NAV3: variants seen among roughly 807,000 people sequenced by gnomAD.
The protein encoded by NAV3 is neuron navigator 3, also known as pore membrane and/or filament interacting like protein 1.
Under a neutral mutation model 244.7 loss-of-function variants are expected in NAV3, and 87 were observed. The observed-to-expected ratio is 0.36, with a 90% CI of 0.30 to 0.42. The LOEUF (loss-of-function observed/expected upper bound fraction) is 0.42. Among genes scored for constraint, NAV3 ranks in the 20% least tolerant of loss-of-function variants. NAV3 has a pLI of 1.00. For missense variants in NAV3, 2,663 were observed against 2,893.3 expected, an observed-to-expected ratio of 0.92 and a Z score of 1.83; for synonymous variants, 1,126 against 1,042.2, an observed-to-expected ratio of 1.08 and a Z score of -1.55.
At chr12:77,982,788 A>G (rs1869809557) in intron 5 of NAV3, among the ~76,000 whole-genome samples, 1 of 152,174 alleles carries the variant, frequency 6.6e-6, no homozygotes, top group Non-Finnish European at 1.5e-5. Flanking sequence ...CAAACTGGTG[A>G]GAGACAGAAT....
intron 8 of NAV3, among the ~76,000 whole-genome samples, chr12:78,011,513 A>G (rs1172983825): frequency 1.3e-5 from 2 of 152,166 alleles, no homozygotes; most frequent in Non-Finnish European, 2.9e-5. Flanking sequence ...CCAAGAAGTT[A>G]AGATAAGGGT....
At chr12:77,954,321 G>A (rs907360085) in intron 3 of NAV3, among the ~76,000 whole-genome samples, 2 of 152,144 alleles carry the variant, frequency 1.3e-5, no homozygotes, top group African/African-American at 2.4e-5. Context: ...TCTGCCAGTT[G>A]TGTAGTAAGC....
At chr12:78,048,020 G>T (rs1362299161) in intron 9 of NAV3, among the ~76,000 whole-genome samples, 1 of 151,996 alleles carries the variant, frequency 6.6e-6, no homozygotes, top group Non-Finnish European at 1.5e-5. Context: ...ACTTATGTAT[G>T]CTTCACGAAG....
chr12:77,759,402 C>T (rs1323210036), intron 2 of NAV3, among the ~76,000 whole-genome samples: 1 of 152,218 alleles, frequency 6.6e-6, no homozygotes, highest in African/African-American at 2.4e-5. Flanking sequence ...GGTATTCAAT[C>T]TCAGGTCTTT....
chr12:77,699,105 A>G (rs897808058), intron 2 of NAV3, among the ~76,000 whole-genome samples: 4 of 152,144 alleles, frequency 2.6e-5, no homozygotes, highest in African/African-American at 7.2e-5. Context: ...TTTATTTGAT[A>G]TATTTCACTG....
At chr12:77,986,434 A>G (rs1392698086) in intron 5 of NAV3, among the ~76,000 whole-genome samples, 3 of 152,198 alleles carry the variant, frequency 2.0e-5, no homozygotes, top group African/African-American at 4.8e-5. Context: ...ATAAATAAGC[A>G]TAAGTTGAAA....
intron 11 of NAV3, among the ~76,000 whole-genome samples, chr12:78,055,445 C>G (rs1883350759): frequency 6.6e-6 from 1 of 152,100 alleles, no homozygotes; most frequent in African/African-American, 2.4e-5. Context: ...AATATGTTAA[C>G]TATATTAGTT....
chr12:78,194,450 T>C (rs1324492934), intron 34 of NAV3, among the ~76,000 whole-genome samples: 1 of 152,104 alleles, frequency 6.6e-6, no homozygotes, highest in African/African-American at 2.4e-5. Flanking sequence ...TAAAATCTGA[T>C]CAAATTTTTC....
At chr12:78,045,640 T>C (rs1380580023) in intron 9 of NAV3, among the ~76,000 whole-genome samples, 1 of 152,142 alleles carries the variant, frequency 6.6e-6, no homozygotes, top group Admixed American at 6.5e-5. Flanking sequence ...TGCCAGTATG[T>C]GATTGTGGAT....
chr12:78,071,379 C>T (rs1332830323), intron 12 of NAV3, among the ~76,000 whole-genome samples: 1 of 151,880 alleles, frequency 6.6e-6, no homozygotes, highest in Non-Finnish European at 1.5e-5. Flanking sequence ...TCATGTCCTT[C>T]ACCCACTTTT....
At chr12:77,869,959 G>A (rs1203558122) in intron 1 of NAV3, among the ~76,000 whole-genome samples, 1 of 152,122 alleles carries the variant, frequency 6.6e-6, no homozygotes, top group Non-Finnish European at 1.5e-5. Context: ...ATTGGATTAT[G>A]AGATAAACAC....
chr12:77,578,500 A>G (rs1320119160), intron 2 of NAV3, among the ~76,000 whole-genome samples: 1 of 152,066 alleles, frequency 6.6e-6, no homozygotes, highest in African/African-American at 2.4e-5. Flanking sequence ...CACTTGGATC[A>G]TTGTTTTGGG....
chr12:78,064,618 A>G (rs2137511084), intron 12 of NAV3, among the ~76,000 whole-genome samples: 1 of 152,284 alleles, frequency 6.6e-6, no homozygotes. Context: ...TGCAGGTTAA[A>G]AATTCATATA....
chr12:77,645,807 GAGGGTTGTACCTTA>G (rs1383964803), intron 2 of NAV3, among the ~76,000 whole-genome samples: 1 of 152,084 alleles, frequency 6.6e-6, no homozygotes, highest in Non-Finnish European at 1.5e-5. Context: ...GTTTCCAAGA[GAGGGTTGTACCTTA>G]AGGGAAAGCT....
At chr12:77,682,129 C>G (rs1344343700) in intron 2 of NAV3, among the ~76,000 whole-genome samples, 1 of 152,050 alleles carries the variant, frequency 6.6e-6, no homozygotes, top group Non-Finnish European at 1.5e-5. Flanking sequence ...ACACCCTGGT[C>G]CCCTGCCACC....
Position 78,007,789 on chromosome 12 carries a change from CTT to C in NAV3, c.1907+347_1907+348del, listed in dbSNP as rs1874503451. Among the ~76,000 whole-genome samples, 2 of 152,180 alleles carry C rather than the reference CTT, an allele frequency of 1.3e-5. 1 individual carries two copies. The highest frequency in any genetic ancestry group is 4.1e-4 in the South Asian group (2 of 4,836). ...TACTGCTTCTATTACTAGCGGCAGA[CTT>C]TTAAAATAATTCTCACTTTTACATC... On this transcript the variant is annotated intron_variant, in intron 8 of 39. Transcript: ENST00000397909.
intron 1 of NAV3, among the ~76,000 whole-genome samples, chr12:77,929,724 C>T (rs1888587024): frequency 6.6e-6 from 1 of 151,502 alleles, no homozygotes; most frequent in Non-Finnish European, 1.5e-5. Flanking sequence ...CCTCTGCCTC[C>T]CTGGTTCAAG....
intron 2 of NAV3, among the ~76,000 whole-genome samples, chr12:77,796,833 T>C (rs1311197589): frequency 2.9e-5 from 4 of 139,086 alleles, no homozygotes; most frequent in Admixed American, 7.4e-5. Flanking sequence ...CAATAAAGTA[T>C]TTTTAATTAA....
intron 12 of NAV3, among the ~76,000 whole-genome samples, chr12:78,076,264 C>T (rs1367885229): frequency 6.6e-6 from 1 of 152,210 alleles, no homozygotes; most frequent in East Asian, 1.9e-4. Flanking sequence ...AATACCAATT[C>T]TGGTTTCCTT....
Sources: gnomAD v4.1 joint callset for allele counts (sites outside exome capture counted in the v4.1 genomes callset) on GRCh38, gnomAD v4.1.1 for gene constraint, MANE v1.5 for transcripts, NCBI Gene and HGNC (gene_info 2026-07-23, HGNC 2026-07-21) for gene names.